Variants in NOTCH2 observed in about 807,000 individuals in gnomAD.
The protein encoded by NOTCH2 is neurogenic locus notch homolog protein 2.
NOTCH2 carries 29 observed loss-of-function variants against 235.8 expected under a neutral mutation model. The observed-to-expected ratio is 0.12, with a 90% CI of 0.09 to 0.17. NOTCH2 has a LOEUF of 0.17. NOTCH2 is among the 10% of genes least tolerant of loss of function. NOTCH2 has a pLI of 1.00. For missense variants in NOTCH2, 2,285 were observed against 3,150.2 expected (o/e 0.73, Z 6.57); for synonymous variants, 1,086 against 1,141.5 (o/e 0.95, Z 0.98).
Position 120,023,321 on chromosome 1 carries a change from C to T in NOTCH2, c.155+6585G>A, listed in dbSNP as rs587734745. On this transcript the variant is annotated intron_variant, in intron 2 of 33. Coordinates refer to ENST00000256646, the MANE Select transcript of NOTCH2 (RefSeq NM_024408.4). ...GCGTGGTGGCGGGCGCTTGTAGTCC[C>T]GGCTACTTGAGAGGCTGAGGCAGGA... Among the ~76,000 whole-genome samples, 464 of 150,942 alleles carry T rather than the reference C, an allele frequency of 3.1e-3. 11 individuals are homozygous for T. The highest frequency in any genetic ancestry group is 7.8e-4 in the East Asian group (4 of 5,110).
At chr1:120,003,519 T>C (rs1274668470) in intron 3 of NOTCH2, among the ~76,000 whole-genome samples, 4 of 152,148 alleles carry the variant, frequency 2.6e-5, no homozygotes, top group Non-Finnish European at 5.9e-5. Flanking sequence ...TGATCCAGTA[T>C]AGTTTTCTGA....
chr1:119,965,538 A>G lies in NOTCH2; in HGVS notation c.1596T>C (p.Asp532=). ...PGFTGPVCQI[D]IDDCSSTPCL... is the part of the protein sequence containing the mutation. ...ACGGAGTACTGGAACAGTCATCAAT[A>G]TCAATCTGGCAAACTGGCCCAGTGA... The change falls in exon 10 of 34, where the codon GAT becomes GAC. Residue 532 remains aspartate (D), a synonymous_variant. Transcript: ENST00000256646. 1 of 1,614,048 alleles carries G rather than the reference A, an allele frequency of 6.2e-7. No homozygotes were observed. The highest frequency in any genetic ancestry group is 8.5e-7 in the Non-Finnish European group (1 of 1,179,894).
At position 120,068,912 on chromosome 1, in the gene NOTCH2, C is replaced by A. The variant is rs782463047; in HGVS notation, c.73+422G>T. The A allele has an allele frequency of 1.6e-5, 13 of 805,052 alleles. No individual in the cohort carries two copies. The East Asian group carries it at 3.0e-4, about 18-fold the overall frequency. The allele number at this position is 805,052 out of a possible 1,614,324, so 49.9% of individuals were successfully genotyped here. A position where few individuals can be genotyped will look rare whatever the true frequency, so the allele number is the denominator to read the frequency against. ...CAGGCCGTTTGGCTTGGCGGCCCTG[C>A]CCCCGCTCTCCACGCCAGAATCTGG... On this transcript the variant is annotated intron_variant, in intron 1 of 33. Transcript: ENST00000256646.
intron 20 of NOTCH2, 53 bp from the exon 21 acceptor site, chr1:119,937,519 G>A: frequency 6.5e-7 from 1 of 1,539,864 alleles, no homozygotes. Context: ...GACACATGGG[G>A]TTCAAATCAA....
At chr1:119,926,990 T>C (rs1649497894) in intron 23 of NOTCH2, among the ~76,000 whole-genome samples, 1 of 152,250 alleles carries the variant, frequency 6.6e-6, no homozygotes, top group Non-Finnish European at 1.5e-5. Context: ...TTTGTTAATG[T>C]TATCTACTTC....
intron 12 of NOTCH2, 98 bp from the exon 13 acceptor site, chr1:119,955,330 G>A (rs1258442622): frequency 7.7e-7 from 1 of 1,292,820 alleles, no homozygotes; most frequent in Non-Finnish European, 1.1e-6. Flanking sequence ...CATCTGCTCA[G>A]GCCATAAGGT....
rs1284902267 is a variant in NOTCH2, at chr1:119,925,323, C to T, written c.4493G>A (p.Gly1498Glu). Reference protein sequence around the residue: ...ECLFDNFECQGNSKTCKYDKY... With the variant: ...ECLFDNFECQENSKTCKYDKY... ...CCCTTACTTGCATGTCTTGCTGTTC[C>T]CCTGGCATTCAAAGTTGTCAAACAG... The change falls in exon 25 of 34, where the codon GGG (glycine) becomes GAG (glutamate). Residue 1498 changes from glycine (G) to glutamate (E), a missense_variant. Gly to Glu is a moderately conservative substitution (Grantham distance 98). Coordinates refer to ENST00000256646, the MANE Select transcript of NOTCH2 (RefSeq NM_024408.4). 1 of 1,613,952 alleles carries T rather than the reference C, an allele frequency of 6.2e-7. No individual in the cohort carries two copies. Among genetic ancestry groups the T allele is most frequent in the East Asian group, 2.2e-5 (1 of 44,884 alleles).
intron 2 of NOTCH2, among the ~76,000 whole-genome samples, chr1:120,010,833 C>A (rs587732024): frequency 1.3e-5 from 2 of 152,040 alleles, no homozygotes; most frequent in Admixed American, 1.3e-4. Flanking sequence ...ATGTTCATAG[C>A]AGCATTATTC....
At chr1:119,928,116 A>AG (rs1649534546) in intron 23 of NOTCH2, among the ~76,000 whole-genome samples, 1 of 152,216 alleles carries the variant, frequency 6.6e-6, no homozygotes, top group Non-Finnish European at 1.5e-5. Flanking sequence ...GATACAAACA[A>AG]CTATTTTAGT....
In NOTCH2 at chr1:119,915,444, T is replaced by C; in HGVS notation, c.7278A>G (p.Ser2426=). 1 of 1,614,192 alleles carries C rather than the reference T, an allele frequency of 6.2e-7. No homozygotes were observed. The highest frequency in any genetic ancestry group is 1.7e-5 in the Admixed American group (1 of 60,028). Residue 2426 remains serine, a synonymous_variant, in exon 34 of 34, where the codon TCA becomes TCG. Transcript: ENST00000256646. ...CAGAAGCAGAGTGGGGTGATGAACTTGACCACTGGTCAGGAGACTCTGGGG... is the reference window on the plus strand; with the variant it reads ...CAGAAGCAGAGTGGGGTGATGAACTCGACCACTGGTCAGGAGACTCTGGGG... ...TPSPESPDQW[S]SSSPHSASDW...
intron 5 of NOTCH2, among the ~76,000 whole-genome samples, chr1:119,977,700 T>TA (rs1390112293): frequency 6.6e-6 from 1 of 152,202 alleles, no homozygotes. Flanking sequence ...CATATATAAT[T>TA]AGTCTAATTT....
At chr1:119,935,001 C>G in intron 22 of NOTCH2, 2 of 671,538 alleles carry the variant, frequency 3.0e-6, no homozygotes, top group Non-Finnish European at 3.7e-6. Context: ...TAGAACCTTA[C>G]ACCATCAGTA....
chr1:120,028,517 A>G (rs1374638299), intron 2 of NOTCH2, among the ~76,000 whole-genome samples: 1 of 151,066 alleles, frequency 6.6e-6, no homozygotes, highest in Non-Finnish European at 1.5e-5. Flanking sequence ...TTCCAATGTT[A>G]TCTTTATTCC....
rs1655276667 is a variant in NOTCH2 at position 120,060,487 on chromosome 1, CT to C, written c.73+8846del. On this transcript the variant is annotated intron_variant, in intron 1 of 33. Coordinates refer to ENST00000256646, the MANE Select transcript of NOTCH2 (RefSeq NM_024408.4). ...TATATATATAAAAATAAATCAACAG[CT>C]TTTCTAAATCTAAGGGTAAAAAAAC... is the stretch of plus-strand genomic sequence containing the variant. 2.0e-5 allele frequency among the ~76,000 whole-genome samples: 3 copies of C among 149,366 alleles called. No individual in the cohort carries two copies. In the South Asian group the frequency reaches 6.3e-4, roughly 31 times the overall value.
chr1:120,041,071 A>AAAAAAAAT (rs1557859547), intron 1 of NOTCH2, among the ~76,000 whole-genome samples: 2 of 77,334 alleles, frequency 2.6e-5, no homozygotes, highest in Non-Finnish European at 2.0e-5. Flanking sequence ...AAAAAAAAAA[A>AAAAAAAAT]ATATATATAT....
At position 119,968,645 on chromosome 1, in the gene NOTCH2, C is replaced by T. The variant is rs587711158; in HGVS notation, c.1109-413G>A. 5.9e-5 allele frequency among the ~76,000 whole-genome samples: 9 copies of T among 152,230 alleles called. No individual in the cohort carries two copies. The South Asian group carries it at 6.2e-4, about 11-fold the overall frequency. ...TATTCCATACATCCTATATTTTATC[C>T]GGAATCCTACTTCCCCAATATTATG... On this transcript the variant is annotated intron_variant, in intron 6 of 33. Transcript: ENST00000256646.
intron 1 of NOTCH2, among the ~76,000 whole-genome samples, chr1:120,062,978 C>T (rs1655364839): frequency 2.0e-5 from 3 of 152,142 alleles, no homozygotes; most frequent in South Asian, 4.2e-4. Context: ...TAATATTCTC[C>T]TCAAAAAAGA....
At chr1:119,932,116 T>A (rs1557809807) in intron 22 of NOTCH2, among the ~76,000 whole-genome samples, 1 of 151,800 alleles carries the variant, frequency 6.6e-6, no homozygotes, top group Non-Finnish European at 1.5e-5. Context: ...GCTGATATAC[T>A]GCAATCACTG....
chr1:119,946,535 T>C (rs1235972421), intron 17 of NOTCH2, among the ~76,000 whole-genome samples: 1 of 152,106 alleles, frequency 6.6e-6, no homozygotes, highest in African/African-American at 2.4e-5. Context: ...GATGACAATT[T>C]ACTTACATTA....
Sources: allele counts gnomAD v4.1 joint callset (sites outside exome capture counted in the v4.1 genomes callset), GRCh38; gene constraint gnomAD v4.1.1; transcripts MANE v1.5; gene names NCBI Gene and HGNC (gene_info 2026-07-23, HGNC 2026-07-21).